The following MTUS2 variants were observed in gnomAD, a reference collection of about 807,000 sequenced individuals.
The protein encoded by MTUS2 is microtubule associated scaffold protein 2.
MTUS2 carries 40 observed loss-of-function variants against 114.1 expected under a neutral mutation model. The observed-to-expected ratio is 0.35, with a 90% CI of 0.27 to 0.46. MTUS2 has a LOEUF of 0.46. Ranked by LOEUF, MTUS2 falls within the 20% of genes least tolerant of loss-of-function variation. The probability of loss-of-function intolerance (pLI) is 1.00; values close to 1 mark genes in which losing one functional copy is unlikely to be tolerated. For synonymous variants in MTUS2, 688 were observed against 672.0 expected (o/e 1.02, Z -0.37); for missense variants, 1,679 against 1,705.4 (o/e 0.98, Z 0.27).
At chr13:29,221,438 T>C (rs1214167507) in intron 5 of MTUS2, among the ~76,000 whole-genome samples, 3 of 152,166 alleles carry the variant, frequency 2.0e-5, no homozygotes, top group Non-Finnish European at 1.5e-5. Context: ...GATGGTATCT[T>C]ATTGTTTTAA....
intron 5 of MTUS2, among the ~76,000 whole-genome samples, chr13:29,262,261 A>G (rs1331433399): frequency 6.6e-6 from 1 of 152,194 alleles, no homozygotes; most frequent in African/African-American, 2.4e-5. Context: ...GGTGGCATTT[A>G]ATTGGGCTGT....
At chr13:28,859,914 G>A (rs915713214) in intron 2 of MTUS2, among the ~76,000 whole-genome samples, 1 of 152,126 alleles carries the variant, frequency 6.6e-6, no homozygotes, top group African/African-American at 2.4e-5. Context: ...TTTTATTTCA[G>A]AATTAATCTT....
chr13:29,303,875 G>C (rs943834992), intron 6 of MTUS2, among the ~76,000 whole-genome samples: 1 of 152,058 alleles, frequency 6.6e-6, no homozygotes, highest in Non-Finnish European at 1.5e-5. Context: ...AAATGTTAAG[G>C]GCAGCCAGAG....
In MTUS2 at chr13:29,331,265, G is replaced by A. The variant is rs547130883; in HGVS notation, c.2905+6554G>A. ...CTAGTATTGGTGTATAGGAATGCTT[G>A]TGATTTTTGCACATTGATTGTGTAT... On this transcript the variant is annotated intron_variant, in intron 7 of 15. Transcript: ENST00000612955. Among the ~76,000 whole-genome samples, 7 of 152,286 alleles carry A rather than the reference G, an allele frequency of 4.6e-5. No homozygotes were observed. In the South Asian group the frequency reaches 1.5e-3, roughly 32 times the overall value.
intron 8 of MTUS2, among the ~76,000 whole-genome samples, chr13:29,385,910 A>T (rs904738178): frequency 6.6e-6 from 1 of 152,208 alleles, no homozygotes; most frequent in Non-Finnish European, 1.5e-5. Flanking sequence ...TCTGTCTCAA[A>T]CAGGGAATCT....
chr13:28,879,725 A>T (rs574644853), intron 2 of MTUS2, among the ~76,000 whole-genome samples: 5 of 152,332 alleles, frequency 3.3e-5, no homozygotes, highest in Middle Eastern at 3.4e-3. Context: ...GATCTAGCAG[A>T]GGTTGCAAAT....
Position 29,092,518 on chromosome 13 carries a change from G to A in MTUS2, c.2447-8255G>A, listed in dbSNP as rs193134733. Among the ~76,000 whole-genome samples, 622 of 152,252 alleles carry A rather than the reference G, an allele frequency of 4.1e-3. 4 individuals are homozygous for A. The highest frequency in any genetic ancestry group is 4.2e-3 in the Non-Finnish European group (288 of 68,034). ...TTCTTCTTCACCCACCTCACCCTTCGATTGTCAGAGTAACCTTATTCATCT... is the reference window on the plus strand; with the variant it reads ...TTCTTCTTCACCCACCTCACCCTTCAATTGTCAGAGTAACCTTATTCATCT... On this transcript the variant is annotated intron_variant, in intron 4 of 15. Transcript: ENST00000612955.
chr13:29,360,470 G>A (rs1364225828), intron 8 of MTUS2, among the ~76,000 whole-genome samples: 1 of 152,022 alleles, frequency 6.6e-6, no homozygotes, highest in Admixed American at 6.6e-5. Flanking sequence ...TTTGTTTAAA[G>A]CTTTCAACAG....
intron 9 of MTUS2, among the ~76,000 whole-genome samples, chr13:29,446,518 A>G (rs192868777): frequency 6.6e-6 from 1 of 152,320 alleles, no homozygotes; most frequent in Admixed American, 6.5e-5. Context: ...GACAAACTAC[A>G]GTAAGTTCCT....
intron 9 of MTUS2, among the ~76,000 whole-genome samples, chr13:29,462,151 C>T (rs1879541651): frequency 6.6e-6 from 1 of 152,190 alleles, no homozygotes; most frequent in African/African-American, 2.4e-5. Flanking sequence ...CAAGAATTTG[C>T]ATTTCAACAT....
At chr13:29,378,943 G>T (rs1286219476) in intron 8 of MTUS2, among the ~76,000 whole-genome samples, 1 of 152,166 alleles carries the variant, frequency 6.6e-6, no homozygotes, top group Non-Finnish European at 1.5e-5. Flanking sequence ...GATCATGGGG[G>T]TGGTCCCCCC....
At chr13:28,851,915 A>G (rs1876301013) in intron 2 of MTUS2, among the ~76,000 whole-genome samples, 1 of 152,108 alleles carries the variant, frequency 6.6e-6, no homozygotes. Flanking sequence ...TACTCTCCAC[A>G]CAGTAGCCAG....
chr13:29,298,517 T>C (rs142642408), intron 6 of MTUS2, among the ~76,000 whole-genome samples: 2 of 152,362 alleles, frequency 1.3e-5, no homozygotes, highest in East Asian at 1.9e-4. Context: ...GATGTGTACA[T>C]GTGCCAGACA....
intron 2 of MTUS2, among the ~76,000 whole-genome samples, chr13:28,923,494 CTGTT>C (rs1414229027): frequency 3.3e-5 from 5 of 152,214 alleles, no homozygotes; most frequent in Non-Finnish European, 5.9e-5. Context: ...ATCTTTAAGA[CTGTT>C]TGGTGTATCT....
chr13:29,280,460 A>G (rs913901624), intron 5 of MTUS2, among the ~76,000 whole-genome samples: 3 of 152,206 alleles, frequency 2.0e-5, no homozygotes, highest in African/African-American at 7.2e-5. Flanking sequence ...CCACAATTTT[A>G]AACAGAATTT....
chr13:29,335,047 A>G (rs1900982458), intron 7 of MTUS2, among the ~76,000 whole-genome samples: 1 of 152,232 alleles, frequency 6.6e-6, no homozygotes, highest in African/African-American at 2.4e-5. Flanking sequence ...TCAGGGAACA[A>G]GGGAGATAAC....
chr13:29,449,786 T>C (rs1878559139), intron 9 of MTUS2, among the ~76,000 whole-genome samples: 1 of 152,202 alleles, frequency 6.6e-6, no homozygotes, highest in Non-Finnish European at 1.5e-5. Context: ...AGTATAAATC[T>C]GTCCAAACAT....
At chr13:29,064,447 G>A (rs1474218035) in intron 4 of MTUS2, among the ~76,000 whole-genome samples, 2 of 99,940 alleles carry the variant, frequency 2.0e-5, no homozygotes, top group Non-Finnish European at 3.9e-5. Flanking sequence ...TTTTAAAATA[G>A]AGAATTGACA....
At chr13:29,305,541 A>C (rs2139621117) in intron 6 of MTUS2, among the ~76,000 whole-genome samples, 1 of 152,332 alleles carries the variant, frequency 6.6e-6, no homozygotes, top group South Asian at 2.1e-4. Flanking sequence ...ATCTAGAAGA[A>C]ATGAATAAAT....
Sources: gnomAD v4.1 joint callset for allele counts (sites outside exome capture counted in the v4.1 genomes callset) on GRCh38, gnomAD v4.1.1 for gene constraint, MANE v1.5 for transcripts, NCBI Gene and HGNC (gene_info 2026-07-23, HGNC 2026-07-21) for gene names.